RPS6KA2: variants seen among roughly 807,000 people sequenced by gnomAD.
RPS6KA2 encodes the protein ribosomal protein S6 kinase A2.
RPS6KA2 carries 42 observed loss-of-function variants against 91.8 expected under a neutral mutation model. The ratio of observed to expected loss-of-function variants is 0.46; its 90% CI spans 0.36 to 0.59. RPS6KA2 has a LOEUF of 0.59. Among genes scored for constraint, RPS6KA2 ranks in the 20% least tolerant of loss-of-function variants. The pLI is 0.00. For missense variants in RPS6KA2, 798 were observed against 978.5 expected (o/e 0.82, Z 2.46); for synonymous variants, 414 against 393.6 (o/e 1.05, Z -0.61).
At chr6:166,449,451 T>A (rs1240753934) in intron 13 of RPS6KA2, among the ~76,000 whole-genome samples, 1 of 152,178 alleles carries the variant, frequency 6.6e-6, no homozygotes, top group Non-Finnish European at 1.5e-5. Context: ...CTTAAATAAG[T>A]TTAATCATAA....
intron 3 of RPS6KA2, among the ~76,000 whole-genome samples, chr6:166,523,515 A>C (rs1361468373): frequency 1.3e-5 from 2 of 152,166 alleles, no homozygotes; most frequent in African/African-American, 4.8e-5. Context: ...CTTTTGAGTA[A>C]CTTTGCTGCC....
intron 1 of RPS6KA2, among the ~76,000 whole-genome samples, chr6:166,546,326 G>A (rs1359269625): frequency 6.6e-6 from 1 of 152,132 alleles, no homozygotes; most frequent in African/African-American, 2.4e-5. Context: ...TGGGCAGTGG[G>A]ATGAGTGCCC....
chr6:166,609,252 G>C (rs1786070992), intron 1 of RPS6KA2, among the ~76,000 whole-genome samples: 1 of 152,204 alleles, frequency 6.6e-6, no homozygotes, highest in Admixed American at 6.5e-5. Context: ...CCCCTAAAAA[G>C]TGGCTCTTTC....
At position 166,849,518 on chromosome 6, in the gene RPS6KA2, G is replaced by A. The variant is rs143427323; in HGVS notation, c.123+8682C>T. ...GAAGAAGGGAGGGTGAGGTGGGGGC[G>A]GATCAGCTTGAGTCACCACGCGTGT... On this transcript the variant is annotated intron_variant, in intron 2 of 21. Transcript: ENST00000503859. This position sits in a 1 kb window ranked among gnomAD's most constrained non-coding sequence, Gnocchi z 4.9. 8.2e-3 allele frequency among the ~76,000 whole-genome samples: 1,251 copies of A among 152,242 alleles called. 10 individuals are homozygous for A. Among genetic ancestry groups the A allele is most frequent in the Non-Finnish European group, 0.01 (697 of 68,006 alleles).
chr6:166,647,938 TCA>T (rs1488452489), intron 2 of RPS6KA2, among the ~76,000 whole-genome samples: 10 of 94,332 alleles, frequency 1.1e-4, no homozygotes, highest in African/African-American at 4.2e-4. Context: ...ACGCACATGC[TCA>T]TACACACACA....
Position 166,479,163 on chromosome 6 carries a change from C to T in RPS6KA2, c.908-9258G>A, listed in dbSNP as rs540952237. Among the ~76,000 whole-genome samples the T allele has an allele frequency of 4.6e-5, 7 of 152,334 alleles. No individual in the cohort carries two copies. The South Asian group carries it at 1.0e-3, about 23-fold the overall frequency. On this transcript the variant is annotated intron_variant, in intron 10 of 20. Coordinates refer to ENST00000265678, the MANE Select transcript of RPS6KA2 (RefSeq NM_021135.6). ...TGCCCTGGCTGCAGGCATTTGTGCG[C>T]GTCTGGGCTGCAGCTGGCCTTGCTG...
chr6:166,572,954 G>A (rs565992821), intron 1 of RPS6KA2, among the ~76,000 whole-genome samples: 31 of 152,366 alleles, frequency 2.0e-4, no homozygotes, highest in African/African-American at 7.2e-4. Context: ...GAGCCCCTGC[G>A]TGGTCAGAGG....
chr6:166,640,282 A>T (rs935824825), intron 2 of RPS6KA2, among the ~76,000 whole-genome samples: 36 of 152,206 alleles, frequency 2.4e-4, no homozygotes, highest in Admixed American at 1.7e-3. Context: ...AAGAGAACAT[A>T]AAATCTTTGC....
At chr6:166,462,089 G>T (rs1780333454) in intron 11 of RPS6KA2, among the ~76,000 whole-genome samples, 1 of 152,238 alleles carries the variant, frequency 6.6e-6, no homozygotes, top group Non-Finnish European at 1.5e-5. Flanking sequence ...GCCACCCAGG[G>T]TGAAGGTGGG....
At chr6:166,444,300 G>C (rs1779609275) in intron 14 of RPS6KA2, among the ~76,000 whole-genome samples, 1 of 152,036 alleles carries the variant, frequency 6.6e-6, no homozygotes, top group Non-Finnish European at 1.5e-5. Flanking sequence ...TAAATGAAGG[G>C]TGCCCTAATG....
chr6:166,704,493 A>T (rs1363961599), intron 2 of RPS6KA2, among the ~76,000 whole-genome samples: 1 of 152,226 alleles, frequency 6.6e-6, no homozygotes, highest in Non-Finnish European at 1.5e-5. Flanking sequence ...TCTCTGATGC[A>T]CTCACGTTTT....
chr6:166,679,940 C>T (rs115541183), intron 2 of RPS6KA2, among the ~76,000 whole-genome samples: 2,172 of 152,318 alleles, frequency 0.014, 53 homozygotes, highest in African/African-American at 0.05. Context: ...CAAAGTCCCT[C>T]GGCAGTGCCA....
intron 14 of RPS6KA2, among the ~76,000 whole-genome samples, chr6:166,438,069 T>C (rs911717014): frequency 1.3e-5 from 2 of 152,230 alleles, no homozygotes; most frequent in Admixed American, 1.3e-4. Context: ...AAAGGATCAG[T>C]ATCGTATTTG....
chr6:166,417,458 T>A (rs1778572673), intron 19 of RPS6KA2, among the ~76,000 whole-genome samples: 1 of 152,134 alleles, frequency 6.6e-6, no homozygotes, highest in Non-Finnish European at 1.5e-5. Flanking sequence ...AAAAGACTGC[T>A]CCCCTGAGGA....
chr6:166,728,544 G>A (rs771134163), intron 2 of RPS6KA2, among the ~76,000 whole-genome samples: 15 of 151,826 alleles, frequency 9.9e-5, no homozygotes, highest in Non-Finnish European at 1.8e-4. Flanking sequence ...AGAGTGGACG[G>A]CTTCCTTCAG....
At chr6:166,511,578 G>A (rs1782480287) in intron 3 of RPS6KA2, among the ~76,000 whole-genome samples, 1 of 152,202 alleles carries the variant, frequency 6.6e-6, no homozygotes, top group Non-Finnish European at 1.5e-5. Flanking sequence ...CCCTGGGCAA[G>A]CTGCTACACC....
intron 2 of RPS6KA2, among the ~76,000 whole-genome samples, chr6:166,735,967 T>G (rs1411534904): frequency 6.6e-6 from 1 of 152,250 alleles, no homozygotes; most frequent in African/African-American, 2.4e-5. Context: ...AACTGAATAA[T>G]GTACTCATTG....
rs547733364 is a variant in RPS6KA2, at chr6:166,563,543, C to T, written c.100-24759G>A. On this transcript the variant is annotated intron_variant, in intron 1 of 20. Transcript: ENST00000265678. The surrounding 1 kb of genome is among the most constrained non-coding windows in gnomAD (Gnocchi z 4.1). ...TGTGCCTGCCCCCACTCCATCTGAG[C>T]GGCTGACCAGTCACCAGACTCACCC... Among the ~76,000 whole-genome samples, 60 of 152,074 alleles carry T rather than the reference C, an allele frequency of 3.9e-4. 1 individual carries two copies. The South Asian group carries it at 0.01, about 26-fold the overall frequency.
At chr6:166,510,177 G>T (rs755899293) in intron 4 of RPS6KA2, 100 bp downstream of exon 4, 3 of 744,224 alleles carry the variant, frequency 4.0e-6, no homozygotes, top group Admixed American at 4.6e-5. Context: ...GTATAGGAAA[G>T]ATTTTCTTCT....
Sources: gnomAD v4.1 joint callset for allele counts (sites outside exome capture counted in the v4.1 genomes callset) on GRCh38, gnomAD v4.1.1 for gene constraint, Gnocchi (gnomAD v3.1) non-coding constraint, MANE v1.5 for transcripts, NCBI Gene and HGNC (gene_info 2026-07-23, HGNC 2026-07-21) for gene names.